VPS41: variants seen among roughly 807,000 people sequenced by gnomAD.
The protein encoded by VPS41 is vacuolar protein sorting-associated protein 41 homolog.
Under a neutral mutation model 130.9 loss-of-function variants are expected in VPS41, and 85 were observed. The ratio of observed to expected loss-of-function variants is 0.65; its 90% CI spans 0.55 to 0.78. The LOEUF (loss-of-function observed/expected upper bound fraction) is 0.78, where lower values mean the gene tolerates loss of function less well. VPS41 is among the 30% of genes least tolerant of loss of function. VPS41 has a pLI of 0.00. For synonymous variants in VPS41, 335 were observed against 332.9 expected (o/e 1.01, Z -0.07); for missense variants, 874 against 1,018.7 (o/e 0.86, Z 1.93).
chr7:38,727,996 T>C (rs2115558182), intron 27 of VPS41, among the ~76,000 whole-genome samples: 1 of 152,356 alleles, frequency 6.6e-6, no homozygotes, highest in South Asian at 2.1e-4. Context: ...GGATTATGTA[T>C]GTTTCCACTG....
chr7:38,726,847 A>C (rs1795554241), intron 28 of VPS41, 62 bp downstream of exon 28: 1 of 1,400,668 alleles, frequency 7.1e-7, no homozygotes, highest in Admixed American at 2.7e-5. Context: ...TACAGTTTAA[A>C]GCACATTCCT....
chr7:38,861,761 C>T (rs1562614243), intron 4 of VPS41, among the ~76,000 whole-genome samples: 1 of 152,136 alleles, frequency 6.6e-6, no homozygotes, highest in Non-Finnish European at 1.5e-5. Context: ...GTCATATTTA[C>T]ACAACCATGG....
At chr7:38,820,983 A>C (rs1164937182) in intron 6 of VPS41, among the ~76,000 whole-genome samples, 2 of 151,780 alleles carry the variant, frequency 1.3e-5, no homozygotes, top group African/African-American at 4.9e-5. Context: ...GATCTCACTC[A>C]CTATAATAAA....
At chr7:38,788,368 C>T (rs1784475740) in intron 10 of VPS41, among the ~76,000 whole-genome samples, 1 of 152,174 alleles carries the variant, frequency 6.6e-6, no homozygotes, top group African/African-American at 2.4e-5. Flanking sequence ...TCAATTTCTT[C>T]ATCTATAGAA....
chr7:38,741,937 C>T lies in VPS41; in HGVS notation c.2259+48G>A, dbSNP rs768407874. The T allele has an allele frequency of 2.5e-6, 4 of 1,605,316 alleles. No individual in the cohort carries two copies. In the Admixed American group the frequency reaches 6.8e-5, roughly 27 times the overall value. On this transcript the variant is annotated intron_variant, in intron 25 of 28. Coordinates refer to ENST00000310301, the MANE Select transcript of VPS41 (RefSeq NM_014396.4). The stretch of plus-strand genomic sequence containing the variant: ...AAACCCTAGAAATATTTATCCAGTA[C>T]TAAGTCAACTAATTCAGATGCTCAT...
intron 4 of VPS41, among the ~76,000 whole-genome samples, chr7:38,849,100 C>T (rs1785791046): frequency 6.6e-6 from 1 of 151,966 alleles, no homozygotes; most frequent in Non-Finnish European, 1.5e-5. Flanking sequence ...AACTTTAAAA[C>T]TTTAGAAGGA....
chr7:38,872,358 A>G (rs1363467201), intron 2 of VPS41, among the ~76,000 whole-genome samples: 1 of 152,210 alleles, frequency 6.6e-6, no homozygotes, highest in Non-Finnish European at 1.5e-5. Flanking sequence ...CATTTCTACA[A>G]TATCCTTTCA....
At chr7:38,732,336 G>A (rs1795681613) in intron 25 of VPS41, among the ~76,000 whole-genome samples, 1 of 152,114 alleles carries the variant, frequency 6.6e-6, no homozygotes, top group African/African-American at 2.4e-5. Flanking sequence ...TCATGGAGTA[G>A]GTGTATGTTT....
intron 25 of VPS41, among the ~76,000 whole-genome samples, chr7:38,738,922 T>C (rs1795826649): frequency 6.6e-6 from 1 of 152,364 alleles, no homozygotes; most frequent in African/African-American, 2.4e-5. Context: ...AACCTAATGA[T>C]GCTAACCTTC....
chr7:38,852,884 C>T (rs1387312599), intron 4 of VPS41, among the ~76,000 whole-genome samples: 1 of 152,104 alleles, frequency 6.6e-6, no homozygotes, highest in Non-Finnish European at 1.5e-5. Context: ...CATTTAGTTC[C>T]CTAAATACTC....
At chr7:38,841,302 T>G (rs532795815) in intron 4 of VPS41, among the ~76,000 whole-genome samples, 3 of 152,328 alleles carry the variant, frequency 2.0e-5, no homozygotes, top group African/African-American at 7.2e-5. Flanking sequence ...ATTCTCTTGC[T>G]CAAGTTACCA....
intron 22 of VPS41, among the ~76,000 whole-genome samples, chr7:38,750,127 A>T (rs558920821): frequency 7.2e-5 from 11 of 152,308 alleles, no homozygotes; most frequent in African/African-American, 2.6e-4. Flanking sequence ...TCAGCTTCCC[A>T]AAGTGCTGGG....
At chr7:38,766,955 C>T (rs1016333428) in intron 15 of VPS41, among the ~76,000 whole-genome samples, 1 of 152,150 alleles carries the variant, frequency 6.6e-6, no homozygotes, top group Non-Finnish European at 1.5e-5. Context: ...TGGACTAATA[C>T]ATGGGGTTCT....
At chr7:38,832,746 C>T (rs1244453189) in intron 4 of VPS41, among the ~76,000 whole-genome samples, 2 of 152,212 alleles carry the variant, frequency 1.3e-5, no homozygotes, top group Admixed American at 6.5e-5. Context: ...CGTAGCACCA[C>T]TGGTAATTCC....
At position 38,818,737 on chromosome 7, in the gene VPS41, A is replaced by C. The variant is rs539074187; in HGVS notation, c.385-855T>G. On this transcript the variant is annotated intron_variant, in intron 6 of 28. Transcript: ENST00000310301. ...ACCCATGAAATCACCAACTTAACTAATTTTGTGTTTTTCTAATTTAACATA... is the reference window on the plus strand; with the variant it reads ...ACCCATGAAATCACCAACTTAACTACTTTTGTGTTTTTCTAATTTAACATA... Among the ~76,000 whole-genome samples, 4 of 152,210 alleles carry C rather than the reference A, an allele frequency of 2.6e-5. No homozygotes were observed. The South Asian group carries it at 8.3e-4, about 32-fold the overall frequency.
At chr7:38,758,741 AC>A (rs1390934373) in intron 17 of VPS41, among the ~76,000 whole-genome samples, 1 of 152,068 alleles carries the variant, frequency 6.6e-6, no homozygotes, top group Non-Finnish European at 1.5e-5. Context: ...CCCTACCCCC[AC>A]CCCTGCCCCA....
chr7:38,817,851 G>A lies in VPS41; in HGVS notation c.416C>T (p.Ser139Phe). ...TCCGGTCACAAACTGCTTGCAACTGGATCTCACGAAATGTGGGTGCACAGC... is the reference window on the plus strand; with the variant it reads ...TCCGGTCACAAACTGCTTGCAACTGAATCTCACGAAATGTGGGTGCACAGC... ...IIAVHPHFVR[S>F]SCKQFVTGGK... is the part of the protein sequence containing the mutation. Residue 139 changes from serine (S) to phenylalanine (F), a missense_variant, in exon 7 of 29, where the codon TCC becomes TTC. Coordinates refer to ENST00000310301, the MANE Select transcript of VPS41 (RefSeq NM_014396.4). 6.2e-7 allele frequency: 1 copy of A among 1,614,074 alleles called. No homozygotes were observed. The highest frequency in any genetic ancestry group is 8.5e-7 in the Non-Finnish European group (1 of 1,179,998).
chr7:38,894,269 T>TA (rs1786930848), intron 2 of VPS41, among the ~76,000 whole-genome samples: 1 of 151,882 alleles, frequency 6.6e-6, no homozygotes, highest in Admixed American at 6.6e-5. Context: ...TCAAACTGAG[T>TA]AAAAAAACTC....
chr7:38,847,540 G>C (rs981617646), intron 4 of VPS41, among the ~76,000 whole-genome samples: 4 of 152,154 alleles, frequency 2.6e-5, no homozygotes, highest in African/African-American at 9.7e-5. Context: ...TTAAGTCTTA[G>C]ATCCTTAGGC....
Sources: gnomAD v4.1 joint callset for allele counts (sites outside exome capture counted in the v4.1 genomes callset) on GRCh38, gnomAD v4.1.1 for gene constraint, MANE v1.5 for transcripts, NCBI Gene and HGNC (gene_info 2026-07-23, HGNC 2026-07-21) for gene names.